The following SHANK2 variants were observed in gnomAD, a reference collection of about 807,000 sequenced individuals.
SHANK2 encodes the protein SH3 and multiple ankyrin repeat domains 2.
In SHANK2, 43 loss-of-function variants were observed where a neutral mutation model predicts 133.7. The observed-to-expected ratio is 0.32, with a 90% confidence interval of 0.25 to 0.41. SHANK2 has a LOEUF of 0.41. Among genes scored for constraint, SHANK2 ranks in the 10% least tolerant of loss-of-function variants. The pLI, the probability that SHANK2 is intolerant of heterozygous loss-of-function variation, is 1.00. For missense variants in SHANK2, 1,994 were observed against 2,235.8 expected (o/e 0.89, Z 2.18); for synonymous variants, 1,017 against 952.8 (o/e 1.07, Z -1.24).
At chr11:70,517,301 GT>G (rs1554970314) in intron 17 of SHANK2, among the ~76,000 whole-genome samples, 1 of 152,218 alleles carries the variant, frequency 6.6e-6, no homozygotes, top group African/African-American at 2.4e-5. Context: ...TTGGAAGACA[GT>G]TTGGCAGTTT....
chr11:71,134,064 T>TGGA (rs1952388335), intron 3 of SHANK2, among the ~76,000 whole-genome samples: 1 of 151,848 alleles, frequency 6.6e-6, no homozygotes, highest in Non-Finnish European at 1.5e-5. Context: ...CTTTTACCTT[T>TGGA]CTCGGTGGAC....
chr11:71,162,921 A>G (rs1663655528), intron 2 of SHANK2, among the ~76,000 whole-genome samples: 1 of 151,542 alleles, frequency 6.6e-6, no homozygotes, highest in Non-Finnish European at 1.5e-5. Context: ...AAATACAAAA[A>G]AATTAGCCAG....
intron 10 of SHANK2, among the ~76,000 whole-genome samples, chr11:70,904,479 T>TGTGGGAGGGACCCG (rs1950070623): frequency 6.6e-6 from 1 of 151,092 alleles, no homozygotes; most frequent in African/African-American, 2.4e-5. Context: ...TTCCCACTGT[T>TGTGGGAGGGACCCG]GTGGGAGGGA....
At chr11:71,202,266 C>T (rs1954033766) in intron 2 of SHANK2, among the ~76,000 whole-genome samples, 1 of 152,244 alleles carries the variant, frequency 6.6e-6, no homozygotes, top group Admixed American at 6.5e-5. Context: ...CCATCCCCTC[C>T]TCATTCCTCC....
At chr11:70,557,077 GT>G (rs2059841627) in intron 17 of SHANK2, among the ~76,000 whole-genome samples, 1 of 152,174 alleles carries the variant, frequency 6.6e-6, no homozygotes, top group Non-Finnish European at 1.5e-5. Flanking sequence ...GGCATTGCTG[GT>G]GTGACTCAGA....
At chr11:70,669,661 C>A (rs1187882156) in intron 15 of SHANK2, 2 of 152,638 alleles carry the variant, frequency 1.3e-5, no homozygotes, top group East Asian at 3.8e-4. Context: ...ATAAAATTCA[C>A]TGGCTCCAAA....
chr11:70,741,710 A>C (rs1026474629), intron 14 of SHANK2, among the ~76,000 whole-genome samples: 16 of 152,344 alleles, frequency 1.1e-4, no homozygotes, highest in African/African-American at 3.6e-4. Context: ...TCCTCGGAGA[A>C]GGAAGGAAAC....
intron 13 of SHANK2, among the ~76,000 whole-genome samples, chr11:70,799,893 G>A (rs1555050121): frequency 1.3e-5 from 2 of 152,220 alleles, no homozygotes. Flanking sequence ...AGGGACATAA[G>A]CCCAAAGACA....
At chr11:70,819,967 C>G (rs560991875) in intron 12 of SHANK2, among the ~76,000 whole-genome samples, 1 of 152,296 alleles carries the variant, frequency 6.6e-6, no homozygotes, top group Admixed American at 6.5e-5. Context: ...AAACATGGCC[C>G]TCGGGAGGGC....
chr11:70,492,522 G>A (rs2058904949), intron 21 of SHANK2, 57 bp from the exon 22 acceptor site: 1 of 1,609,840 alleles, frequency 6.2e-7, no homozygotes, highest in Non-Finnish European at 8.5e-7. Flanking sequence ...GCTGGGTGTA[G>A]ATAGGAAAGC....
chr11:71,181,983 G>A (rs1555113853), intron 2 of SHANK2, among the ~76,000 whole-genome samples: 1 of 152,208 alleles, frequency 6.6e-6, no homozygotes, highest in African/African-American at 2.4e-5. Flanking sequence ...GCGCCCTGCA[G>A]TAACCCTGGC....
intron 8 of SHANK2, among the ~76,000 whole-genome samples, chr11:71,076,723 T>C (rs905990044): frequency 6.6e-6 from 1 of 152,122 alleles, no homozygotes; most frequent in South Asian, 2.1e-4. Context: ...AGCTCCACTC[T>C]CAGAGGTCCA....
intron 1 of SHANK2, among the ~76,000 whole-genome samples, chr11:71,235,402 T>C (rs1954813989): frequency 6.6e-6 from 1 of 152,120 alleles, no homozygotes; most frequent in Non-Finnish European, 1.5e-5. Flanking sequence ...GAGACCAGCC[T>C]GGCCAACATG....
chr11:70,844,671 T>A (rs1948968486), intron 11 of SHANK2, among the ~76,000 whole-genome samples: 1 of 152,228 alleles, frequency 6.6e-6, no homozygotes, highest in Non-Finnish European at 1.5e-5. Context: ...ACAGGGATTA[T>A]CTCAGTCCAG....
chr11:70,746,325 C>T (rs1946636537), intron 14 of SHANK2, among the ~76,000 whole-genome samples: 2 of 151,848 alleles, frequency 1.3e-5, no homozygotes, highest in South Asian at 2.1e-4. Flanking sequence ...ATGCTCACAG[C>T]CCCCATCTCC....
At chr11:71,088,920 T>G (rs1364816239) in intron 8 of SHANK2, among the ~76,000 whole-genome samples, 2 of 121,608 alleles carry the variant, frequency 1.6e-5, no homozygotes, top group African/African-American at 3.3e-5. Context: ...ACCAGAGGCC[T>G]CCCCTCGTCC....
intron 17 of SHANK2, among the ~76,000 whole-genome samples, chr11:70,504,660 C>T (rs1554967992): frequency 3.9e-5 from 6 of 152,160 alleles, no homozygotes; most frequent in African/African-American, 1.4e-4. Flanking sequence ...GGAGAGAGGC[C>T]CACCTACAGC....
chr11:70,670,099 A>G (rs1944766721), intron 15 of SHANK2, among the ~76,000 whole-genome samples: 1 of 152,186 alleles, frequency 6.6e-6, no homozygotes, highest in Non-Finnish European at 1.5e-5. Context: ...CTCCCCACAG[A>G]GAGACTGGGT....
intron 3 of SHANK2, among the ~76,000 whole-genome samples, chr11:71,140,716 T>C (rs2135380376): frequency 6.6e-6 from 1 of 152,336 alleles, no homozygotes; most frequent in Admixed American, 6.5e-5. Flanking sequence ...GTGGTGTTTG[T>C]TCCCGACAGG....
Sources: gnomAD v4.1 joint callset for allele counts (sites outside exome capture counted in the v4.1 genomes callset) on GRCh38, gnomAD v4.1.1 for gene constraint, MANE v1.5 for transcripts, NCBI Gene and HGNC (gene_info 2026-07-23, HGNC 2026-07-21) for gene names.